SLC16A9: variants seen among roughly 807,000 people sequenced by gnomAD.
SLC16A9 encodes the protein monocarboxylate transporter 9.
Under a neutral mutation model 44.3 loss-of-function variants are expected in SLC16A9, and 26 were observed. The ratio of observed to expected loss-of-function variants is 0.59; its 90% confidence interval spans 0.43 to 0.81. The LOEUF (loss-of-function observed/expected upper bound fraction) is 0.81. SLC16A9 is among the 40% of genes least tolerant of loss of function. The probability of loss-of-function intolerance (pLI) is 0.00; values close to 1 mark genes in which losing one functional copy is unlikely to be tolerated. For synonymous variants in SLC16A9, 230 were observed against 225.1 expected, an observed-to-expected ratio of 1.02 and a Z score of -0.19; for missense variants, 559 against 595.8, an observed-to-expected ratio of 0.94 and a Z score of 0.64.
intron 1 of SLC16A9, among the ~76,000 whole-genome samples, chr10:59,704,401 G>A (rs183724935): frequency 2.0e-5 from 3 of 152,262 alleles, no homozygotes; most frequent in Admixed American, 6.5e-5. Flanking sequence ...ATCTACCCAT[G>A]AGGAAACTGA....
chr10:59,674,353 A>T (rs1839814971), intron 2 of SLC16A9, among the ~76,000 whole-genome samples: 1 of 152,130 alleles, frequency 6.6e-6, no homozygotes, highest in African/African-American at 2.4e-5. Flanking sequence ...GGCCCCTGAG[A>T]TACACTGAGA....
chr10:59,658,260 C>T (rs1311474246), intron 4 of SLC16A9, among the ~76,000 whole-genome samples: 1 of 152,146 alleles, frequency 6.6e-6, no homozygotes, highest in South Asian at 2.1e-4. Flanking sequence ...CAATGTACAA[C>T]TTACATATAT....
At chr10:59,660,502 G>A (rs1839447490) in intron 4 of SLC16A9, among the ~76,000 whole-genome samples, 2 of 152,106 alleles carry the variant, frequency 1.3e-5, no homozygotes, top group African/African-American at 2.4e-5. Flanking sequence ...AATTGAGGCA[G>A]TGATTAATAG....
chr10:59,694,001 T>G (rs1477753287), intron 1 of SLC16A9, among the ~76,000 whole-genome samples: 43 of 141,444 alleles, frequency 3.0e-4, no homozygotes, highest in East Asian at 2.9e-3. Context: ...GCAGTGGCGC[T>G]ATCTCGGCTC....
At chr10:59,697,164 T>A (rs1840411072) in intron 1 of SLC16A9, among the ~76,000 whole-genome samples, 2 of 139,670 alleles carry the variant, frequency 1.4e-5, no homozygotes, top group African/African-American at 5.3e-5. Context: ...GAGGGGCGCC[T>A]CTGCCCGGCC....
chr10:59,663,446 G>A (rs1221747763), intron 4 of SLC16A9, among the ~76,000 whole-genome samples: 1 of 152,092 alleles, frequency 6.6e-6, no homozygotes, highest in Non-Finnish European at 1.5e-5. Flanking sequence ...GAATGAGTTT[G>A]TGTCCTTTGC....
intron 3 of SLC16A9, among the ~76,000 whole-genome samples, chr10:59,670,033 AT>A (rs1451198846): frequency 6.6e-6 from 1 of 152,210 alleles, no homozygotes; most frequent in Non-Finnish European, 1.5e-5. Flanking sequence ...ACACTTTAGT[AT>A]TCTTTTGACA....
chr10:59,665,898 A>T (rs1839604182), intron 3 of SLC16A9, among the ~76,000 whole-genome samples: 1 of 152,230 alleles, frequency 6.6e-6, no homozygotes. Context: ...TACTAAAATG[A>T]ATTTTTTAAA....
intron 1 of SLC16A9, among the ~76,000 whole-genome samples, chr10:59,687,593 T>C (rs1292483161): frequency 6.6e-6 from 1 of 152,220 alleles, no homozygotes; most frequent in South Asian, 2.1e-4. Context: ...GGCGGAGGAA[T>C]TTTTTACTTC....
intron 4 of SLC16A9, 103 bp from the exon 5 acceptor site, chr10:59,654,692 G>T: frequency 1.2e-6 from 1 of 858,440 alleles, no homozygotes; most frequent in Non-Finnish European, 1.7e-6. Flanking sequence ...GCATTTATAT[G>T]TAACTTCATA....
chr10:59,704,827 C>T (rs569263966), intron 1 of SLC16A9, among the ~76,000 whole-genome samples: 4 of 152,296 alleles, frequency 2.6e-5, no homozygotes, highest in South Asian at 2.1e-4. Flanking sequence ...AGTTAGCAAA[C>T]GTTTTGCACA....
chr10:59,659,157 A>C (rs1461380567), intron 4 of SLC16A9, among the ~76,000 whole-genome samples: 1 of 152,206 alleles, frequency 6.6e-6, no homozygotes, highest in Admixed American at 6.5e-5. Flanking sequence ...TTTAAAAATT[A>C]TATTTTATAT....
At chr10:59,663,460 G>A (rs112216621) in intron 4 of SLC16A9, among the ~76,000 whole-genome samples, 11,816 of 152,168 alleles carry the variant, frequency 0.078, 648 homozygotes, top group African/African-American at 0.14. Flanking sequence ...CCTTTGCCGG[G>A]ATATGAGTGA....
chr10:59,703,139 A>C (rs527690557), intron 1 of SLC16A9, among the ~76,000 whole-genome samples: 1 of 152,338 alleles, frequency 6.6e-6, no homozygotes, highest in Non-Finnish European at 1.5e-5. Context: ...TGATTTTTTG[A>C]GACAGGTCCT....
At chr10:59,701,672 ATTCT>A (rs1840526367) in intron 1 of SLC16A9, among the ~76,000 whole-genome samples, 1 of 152,206 alleles carries the variant, frequency 6.6e-6, no homozygotes, top group Non-Finnish European at 1.5e-5. Flanking sequence ...CAGTTACCTG[ATTCT>A]TTCTTCTAAA....
chr10:59,659,668 A>G (rs1008314981), intron 4 of SLC16A9, among the ~76,000 whole-genome samples: 7 of 152,002 alleles, frequency 4.6e-5, no homozygotes, highest in Admixed American at 1.3e-4. Context: ...CATCAACAGA[A>G]CTCTACACCC....
At chr10:59,708,337 T>C (rs1020931193) in intron 1 of SLC16A9, among the ~76,000 whole-genome samples, 3 of 152,224 alleles carry the variant, frequency 2.0e-5, no homozygotes, top group African/African-American at 7.2e-5. Flanking sequence ...ATAATCATCC[T>C]TTCTCTTCGG....
In SLC16A9 at chr10:59,654,480, T is replaced by C. The variant is rs777875410; in HGVS notation, c.546A>G (p.Leu182=). 1 of 1,612,618 alleles carries C rather than the reference T, an allele frequency of 6.2e-7. No individual in the cohort carries two copies. The highest frequency in any genetic ancestry group is 8.5e-7 in the Non-Finnish European group (1 of 1,180,028). Reference sequence around the variant, plus strand: ...GGGGTCTCATCAGACTGCCACAGGCTAATATATTTAAAGCTAAAGCACCCA... The same window carrying C: ...GGGGTCTCATCAGACTGCCACAGGCCAATATATTTAAAGCTAAAGCACCCA... ...LIVGALALNI[L]ACGSLMRPLQ... Residue 182 remains leucine, a synonymous_variant, in exon 5 of 6, where the codon TTA becomes TTG. Transcript: ENST00000395348.
intron 1 of SLC16A9, among the ~76,000 whole-genome samples, chr10:59,702,464 A>G (rs966817653): frequency 6.6e-6 from 1 of 152,210 alleles, no homozygotes; most frequent in Non-Finnish European, 1.5e-5. Context: ...ATCGTGGCTC[A>G]AAACTGTCAT....
Sources: allele counts gnomAD v4.1 joint callset (sites outside exome capture counted in the v4.1 genomes callset), GRCh38; gene constraint gnomAD v4.1.1; transcripts MANE v1.5; gene names NCBI Gene and HGNC (gene_info 2026-07-23, HGNC 2026-07-21).